ZNG1E: variants seen among roughly 807,000 people sequenced by gnomAD.
ZNG1E encodes Zn regulated GTPase metalloprotein activator 1E, also known as zinc-regulated GTPase metalloprotein activator 1E.
the ZNG1E span, among the ~76,000 whole-genome samples, chr9:65,678,449 C>T: frequency 7.2e-6 from 1 of 138,540 alleles, no homozygotes; most frequent in Admixed American, 7.3e-5. Flanking sequence ...TACTAGAAAA[C>T]TTTATTTCAG....
chr9:65,672,209 C>T, the ZNG1E span, among the ~76,000 whole-genome samples: 1 of 151,206 alleles, frequency 6.6e-6, no homozygotes, highest in East Asian at 1.9e-4. Flanking sequence ...TGGGATAATG[C>T]ATTTAATGTG....
chr9:65,672,500 C>A, the ZNG1E span, among the ~76,000 whole-genome samples: 1 of 150,676 alleles, frequency 6.6e-6, no homozygotes, highest in African/African-American at 2.4e-5. Context: ...AATCCCAGCT[C>A]TTTAGGAGGC....
the ZNG1E span, among the ~76,000 whole-genome samples, chr9:65,658,116 A>AAAAAT: frequency 1.3e-4 from 17 of 129,224 alleles, no homozygotes; most frequent in Admixed American, 1.6e-4. Flanking sequence ...AAAAAAAAAA[A>AAAAAT]CTTATGTTCC....
chr9:65,716,299 C>T, the ZNG1E span, among the ~76,000 whole-genome samples: 3 of 110,152 alleles, frequency 2.7e-5, no homozygotes, highest in East Asian at 7.4e-4. Flanking sequence ...GGACCACAGG[C>T]ATGTGTCACC....
chr9:65,707,324 A>C, the ZNG1E span: 4 of 95,090 alleles, frequency 4.2e-5, no homozygotes, highest in Non-Finnish European at 4.1e-5. Flanking sequence ...TATGCTCAGT[A>C]GCGGGGGGAG....
the ZNG1E span, chr9:65,705,010 A>AT: frequency 1.0e-4 from 15 of 148,036 alleles, no homozygotes; most frequent in East Asian, 7.7e-4. Flanking sequence ...GTTTTTTTAA[A>AT]TTTTTTTACC....
chr9:65,662,158 C>A, the ZNG1E span, among the ~76,000 whole-genome samples: 3 of 152,228 alleles, frequency 2.0e-5, no homozygotes, highest in Non-Finnish European at 4.4e-5. Context: ...TTGTAGTATC[C>A]CTGCCAAAAA....
At chr9:65,664,658 G>A in the ZNG1E span, among the ~76,000 whole-genome samples, 1 of 151,236 alleles carries the variant, frequency 6.6e-6, no homozygotes, top group African/African-American at 2.4e-5. Flanking sequence ...ACCTGAAAAT[G>A]TGGAAGAAAC....
At chr9:65,693,775 A>G in the ZNG1E span, among the ~76,000 whole-genome samples, 20 of 151,940 alleles carry the variant, frequency 1.3e-4, no homozygotes, top group African/African-American at 4.6e-4. Context: ...CAGCCTGGTC[A>G]TGAACTCCTG....
the ZNG1E span, chr9:65,691,055 T>A: frequency 1.3e-6 from 2 of 1,586,390 alleles, no homozygotes; most frequent in African/African-American, 1.4e-5. Flanking sequence ...TTCTTTTATC[T>A]TTCTTGTTTT....
the ZNG1E span, among the ~76,000 whole-genome samples, chr9:65,657,659 AG>A: frequency 1.3e-5 from 2 of 152,358 alleles, no homozygotes; most frequent in Admixed American, 1.3e-4. Context: ...CTAGCACAAC[AG>A]GGTGACTACA....
At chr9:65,663,624 A>T in the ZNG1E span, among the ~76,000 whole-genome samples, 1 of 150,884 alleles carries the variant, frequency 6.6e-6, no homozygotes, top group Admixed American at 6.6e-5. Context: ...TCACCTTTAA[A>T]ACAATAGTGC....
the ZNG1E span, among the ~76,000 whole-genome samples, chr9:65,683,912 A>C: frequency 2.4e-4 from 36 of 152,276 alleles, no homozygotes; most frequent in Non-Finnish European, 4.8e-4. Context: ...GTAAGAAAGA[A>C]AAATATATTG....
the ZNG1E span, among the ~76,000 whole-genome samples, chr9:65,664,122 T>C: frequency 2.6e-5 from 4 of 152,148 alleles, no homozygotes; most frequent in Non-Finnish European, 5.9e-5. Flanking sequence ...ATTGTTATTC[T>C]ACAAATCAGT....
chr9:65,657,471 A>G, the ZNG1E span, among the ~76,000 whole-genome samples: 10 of 152,236 alleles, frequency 6.6e-5, no homozygotes, highest in Non-Finnish European at 1.0e-4. Context: ...GCCAGGCCCA[A>G]AAAAACAAAT....
At chr9:65,668,569 C>T in the ZNG1E span, among the ~76,000 whole-genome samples, 1 of 149,708 alleles carries the variant, frequency 6.7e-6, no homozygotes, top group African/African-American at 2.4e-5. Flanking sequence ...CTTTCTCTCT[C>T]ACCCAGGCTG....
At chr9:65,673,795 A>G in the ZNG1E span, among the ~76,000 whole-genome samples, 3 of 152,294 alleles carry the variant, frequency 2.0e-5, no homozygotes, top group African/African-American at 7.2e-5. Context: ...ACAGAGTGAG[A>G]CCCTGTCTCA....
chr9:65,658,334 A>C, the ZNG1E span, among the ~76,000 whole-genome samples: 1 of 151,902 alleles, frequency 6.6e-6, no homozygotes, highest in Non-Finnish European at 1.5e-5. Flanking sequence ...AGTAGAATAA[A>C]AAATTCAGAG....
chr9:65,714,424 G>C, the ZNG1E span, among the ~76,000 whole-genome samples: 1 of 116,338 alleles, frequency 8.6e-6, no homozygotes, highest in East Asian at 2.2e-4. Context: ...TGGAGGAGGA[G>C]AGGCGCTGCG....
Sources: allele counts gnomAD v4.1 joint callset (sites outside exome capture counted in the v4.1 genomes callset), GRCh38; gene constraint gnomAD v4.1.1; transcripts MANE v1.5; gene names NCBI Gene and HGNC (gene_info 2026-07-23, HGNC 2026-07-21).